Variants in CDH20 observed in about 807,000 individuals in gnomAD.
CDH20 encodes the protein cadherin-20.
Under a neutral mutation model 74.2 loss-of-function variants are expected in CDH20, and 29 were observed. The ratio of observed to expected loss-of-function variants is 0.39; its 90% CI spans 0.29 to 0.53. The LOEUF is 0.53. Ranked by LOEUF, CDH20 falls within the 20% of genes least tolerant of loss-of-function variation. The pLI, the probability that CDH20 is intolerant of heterozygous loss-of-function variation, is 0.69. For synonymous variants in CDH20, 469 were observed against 405.4 expected (o/e 1.16, Z -1.88); for missense variants, 988 against 1,048.3 (o/e 0.94, Z 0.79).
chr18:61,443,278 T>C (rs1909091812), intron 1 of CDH20, among the ~76,000 whole-genome samples: 1 of 152,146 alleles, frequency 6.6e-6, no homozygotes, highest in African/African-American at 2.4e-5. Flanking sequence ...CCTTGGGTTC[T>C]TTAAAGGTAC....
intron 1 of CDH20, among the ~76,000 whole-genome samples, chr18:61,463,872 G>GC (rs1909866996): frequency 6.6e-6 from 1 of 152,038 alleles, no homozygotes; most frequent in Admixed American, 6.6e-5. Context: ...GAAAATATGT[G>GC]CCCCTGACAA....
At chr18:61,473,733 C>T (rs988931949) in intron 1 of CDH20, among the ~76,000 whole-genome samples, 18 of 152,282 alleles carry the variant, frequency 1.2e-4, no homozygotes, top group African/African-American at 4.1e-4. Flanking sequence ...TGGAAGCTGA[C>T]TTGTAATTCC....
intron 1 of CDH20, among the ~76,000 whole-genome samples, chr18:61,354,463 G>T: frequency 6.6e-6 from 1 of 152,190 alleles, no homozygotes; most frequent in East Asian, 1.9e-4. Flanking sequence ...CAAAAAATTA[G>T]CCGGGCGTGG....
chr18:61,353,852 C>T lies in CDH20; in HGVS notation c.-153+20025C>T, dbSNP rs897664443. ...ATCCCAGCATTTTAGGAGGCCGGGG[C>T]GGTTGGATTGCCTGAACTCTGTAGT... On this transcript the variant is annotated intron_variant, in intron 1 of 11. Transcript: ENST00000262717. This position sits in a 1 kb window ranked among gnomAD's most constrained non-coding sequence, Gnocchi z 4.6. Among the ~76,000 whole-genome samples, 14 of 151,950 alleles carry T rather than the reference C, an allele frequency of 9.2e-5. No individual in the cohort carries two copies. The highest frequency in any genetic ancestry group is 2.9e-4 in the African/African-American group (12 of 41,372).
intron 1 of CDH20, among the ~76,000 whole-genome samples, chr18:61,419,570 T>C (rs1912806899): frequency 6.6e-6 from 1 of 152,214 alleles, no homozygotes; most frequent in Non-Finnish European, 1.5e-5. Flanking sequence ...CCTCACATTC[T>C]CACTAATACT....
intron 6 of CDH20, among the ~76,000 whole-genome samples, chr18:61,523,849 G>C (rs1912296275): frequency 6.6e-6 from 1 of 152,192 alleles, no homozygotes; most frequent in Non-Finnish European, 1.5e-5. Flanking sequence ...ACTCATAAGT[G>C]GGAAGTGAAC....
At chr18:61,341,449 T>C (rs759071851) in intron 1 of CDH20, among the ~76,000 whole-genome samples, 9 of 151,924 alleles carry the variant, frequency 5.9e-5, no homozygotes, top group Non-Finnish European at 1.3e-4. Flanking sequence ...TGCCGTTCCA[T>C]TGTGGGTTAG....
Position 61,548,704 on chromosome 18 carries a change from CGCTCT to C in CDH20, c.1649-1271_1649-1267del, listed in dbSNP as rs1297546798. Among the ~76,000 whole-genome samples, 24 of 152,318 alleles carry C rather than the reference CGCTCT, an allele frequency of 1.6e-4. No homozygotes were observed. In the East Asian group the frequency reaches 4.6e-3, roughly 29 times the overall value. On this transcript the variant is annotated intron_variant, in intron 10 of 11. Coordinates refer to ENST00000262717, the MANE Select transcript of CDH20 (RefSeq NM_031891.4). ...CTGAGCTCAGCGTCCCAGGCCGCCCCGCTCTGCATCTCACACCCTGTGGTTCTTTC... is the reference window on the plus strand; with the variant it reads ...CTGAGCTCAGCGTCCCAGGCCGCCCCGCATCTCACACCCTGTGGTTCTTTC...
At chr18:61,389,174 T>C (rs1409120353) in intron 1 of CDH20, among the ~76,000 whole-genome samples, 2 of 152,162 alleles carry the variant, frequency 1.3e-5, no homozygotes, top group Non-Finnish European at 2.9e-5. Context: ...CTTTACATAG[T>C]AGGCTCCAGA....
chr18:61,335,540 C>T (rs561137064), intron 1 of CDH20, among the ~76,000 whole-genome samples: 2 of 152,314 alleles, frequency 1.3e-5, no homozygotes, highest in East Asian at 3.9e-4. Context: ...GAACCGAGCT[C>T]TTAGAGTCTA....
intron 1 of CDH20, chr18:61,391,724 C>T (rs1001253899): frequency 2.0e-5 from 3 of 150,978 alleles, no homozygotes; most frequent in Admixed American, 6.6e-5. Context: ...ACATCCTGTA[C>T]ATGTATCCTG....
chr18:61,457,356 T>C (rs1409589661), intron 1 of CDH20, among the ~76,000 whole-genome samples: 1 of 152,158 alleles, frequency 6.6e-6, no homozygotes, highest in African/African-American at 2.4e-5. Context: ...TTCAAAGTGC[T>C]TGTTGTACTA....
chr18:61,424,753 T>C (rs569867078), intron 1 of CDH20, among the ~76,000 whole-genome samples: 49 of 152,314 alleles, frequency 3.2e-4, no homozygotes, highest in Non-Finnish European at 5.3e-4. Context: ...TATAAGAACC[T>C]ACCCTCTGCT....
chr18:61,553,056 T>A (rs1373531566), intron 11 of CDH20, among the ~76,000 whole-genome samples: 5 of 152,200 alleles, frequency 3.3e-5, no homozygotes, highest in African/African-American at 1.2e-4. Context: ...TGGGAAAATA[T>A]TACGTATTAA....
chr18:61,407,074 T>C (rs1333931033), intron 1 of CDH20, among the ~76,000 whole-genome samples: 1 of 152,220 alleles, frequency 6.6e-6, no homozygotes. Context: ...GGCAACACCA[T>C]TTGTCACACA....
chr18:61,504,899 G>GA (rs1911506274), intron 5 of CDH20, among the ~76,000 whole-genome samples: 1 of 151,938 alleles, frequency 6.6e-6, no homozygotes, highest in South Asian at 2.1e-4. Flanking sequence ...CAGGATACTA[G>GA]ATAAGCATTT....
At chr18:61,366,910 A>G (rs534964796) in intron 1 of CDH20, among the ~76,000 whole-genome samples, 11 of 152,172 alleles carry the variant, frequency 7.2e-5, no homozygotes, top group Non-Finnish European at 1.6e-4. Flanking sequence ...GGGATTATAG[A>G]TGAGGCTTAT....
At chr18:61,469,733 TG>T (rs1435600711) in intron 1 of CDH20, among the ~76,000 whole-genome samples, 1 of 152,248 alleles carries the variant, frequency 6.6e-6, no homozygotes, top group African/African-American at 2.4e-5. Flanking sequence ...ATTGCATGTT[TG>T]CATTTACATT....
chr18:61,485,335 G>T (rs1280120512), intron 1 of CDH20, among the ~76,000 whole-genome samples: 2 of 152,188 alleles, frequency 1.3e-5, no homozygotes, highest in Non-Finnish European at 2.9e-5. Context: ...GAAATGTTAA[G>T]TTGGGAGGAG....
Sources: gnomAD v4.1 joint callset for allele counts (sites outside exome capture counted in the v4.1 genomes callset) on GRCh38, gnomAD v4.1.1 for gene constraint, Gnocchi (gnomAD v3.1) non-coding constraint, MANE v1.5 for transcripts, NCBI Gene and HGNC (gene_info 2026-07-23, HGNC 2026-07-21) for gene names.